The following HORMAD2 variants were observed in gnomAD, a reference collection of about 807,000 sequenced individuals.
HORMAD2 encodes HORMA domain containing 2, also known as HORMA domain-containing protein 2.
HORMAD2 carries 45 observed loss-of-function variants against 38.8 expected under a neutral mutation model. That is an observed-to-expected ratio of 1.16 (90% CI 0.91 to 1.49). The LOEUF (loss-of-function observed/expected upper bound fraction) is 1.49, where lower values mean the gene tolerates loss of function less well. HORMAD2 is among the 40% of genes most tolerant of loss of function. HORMAD2 has a pLI of 0.00. For missense variants in HORMAD2, 338 were observed against 367.0 expected (o/e 0.92, Z 0.65); for synonymous variants, 126 against 122.8 (o/e 1.03, Z -0.17).
Position 30,176,234 on chromosome 22 carries a change from C to A in HORMAD2, c.*67C>A. 9.0e-7 allele frequency: 1 copy of A among 1,105,666 alleles called. No individual in the cohort carries two copies. The highest frequency in any genetic ancestry group is 1.3e-6 in the Non-Finnish European group (1 of 756,164). The allele number at this position is 1,105,666 out of a possible 1,614,324, so 68.5% of individuals were successfully genotyped here. A position where few individuals can be genotyped will look rare whatever the true frequency, so the allele number is the denominator to read the frequency against. ...TTTTGTAAAAACATGCATAAACTGT[C>A]TTAGCAGGAAAGTACATTCCTGTTA... On this transcript the variant is annotated 3_prime_UTR_variant, in exon 11 of 11. Coordinates refer to ENST00000336726, the MANE Select transcript of HORMAD2 (RefSeq NM_152510.4).
At chr22:30,152,552 A>G (rs1039896254) in intron 10 of HORMAD2, among the ~76,000 whole-genome samples, 13 of 152,040 alleles carry the variant, frequency 8.6e-5, no homozygotes, top group African/African-American at 3.1e-4. Flanking sequence ...GCTGGTCTTG[A>G]ACTCCTGGGC....
intron 10 of HORMAD2, among the ~76,000 whole-genome samples, chr22:30,154,528 T>C (rs751497150): frequency 1.1e-4 from 16 of 152,218 alleles, no homozygotes; most frequent in Admixed American, 2.0e-4. Context: ...CTCAGATTCC[T>C]TTCAAGTTTT....
chr22:30,084,429 G>A (rs1246493879), intron 1 of HORMAD2, among the ~76,000 whole-genome samples: 1 of 151,968 alleles, frequency 6.6e-6, no homozygotes, highest in Non-Finnish European at 1.5e-5. Context: ...CCTCTTAAAG[G>A]CCCCAACTCT....
At chr22:30,115,832 G>T (rs1922001538) in intron 7 of HORMAD2, among the ~76,000 whole-genome samples, 1 of 152,142 alleles carries the variant, frequency 6.6e-6, no homozygotes, top group Non-Finnish European at 1.5e-5. Flanking sequence ...GTGTTAGATT[G>T]GGCAGTTCCT....
chr22:30,179,495 C>A (rs924869684), downstream of HORMAD2, among the ~76,000 whole-genome samples: 1 of 152,080 alleles, frequency 6.6e-6, no homozygotes, highest in Non-Finnish European at 1.5e-5. Flanking sequence ...AAGAAAAAAG[C>A]TTTTATTAAT....
At position 30,176,433 on chromosome 22, in the gene HORMAD2, T is replaced by C. The variant is rs968430509; in HGVS notation, c.*266T>C. Reference sequence around the variant, plus strand: ...TAGAGATGAGGCACCTTTTATATTATATTTGTAAAAGAACCACAGCAGCTA... The same window carrying C: ...TAGAGATGAGGCACCTTTTATATTACATTTGTAAAAGAACCACAGCAGCTA... On this transcript the variant is annotated 3_prime_UTR_variant, in exon 11 of 11. Transcript: ENST00000336726. 8 of 336,554 alleles carry C rather than the reference T, an allele frequency of 2.4e-5. No homozygotes were observed. Among genetic ancestry groups the C allele is most frequent in the African/African-American group, 1.3e-4 (6 of 46,780 alleles). 20.8% of individuals were successfully genotyped at this position (336,554 alleles called of 1,614,324 possible).
At position 30,135,890 on chromosome 22, in the gene HORMAD2, G is replaced by A. The variant is rs559506289; in HGVS notation, c.819+13676G>A. Among the ~76,000 whole-genome samples, 4 of 152,240 alleles carry A rather than the reference G, an allele frequency of 2.6e-5. No homozygotes were observed. In the East Asian group the frequency reaches 7.7e-4, roughly 29 times the overall value. On this transcript the variant is annotated intron_variant, in intron 10 of 10. Transcript: ENST00000336726. ...CATTCAACAATGTAACATTCTTATT[G>A]TTCAGAATCTAATAAAAGTTTCTTG...
downstream of HORMAD2, among the ~76,000 whole-genome samples, chr22:30,180,762 C>CCCCTT (rs949290197): frequency 2.0e-5 from 3 of 151,408 alleles, no homozygotes; most frequent in East Asian, 2.0e-4. Context: ...CTTCTTTCTT[C>CCCCTT]CCCTTCCCTT....
At chr22:30,080,007 T>G (rs1035602834), upstream of HORMAD2, 1 of 152,214 alleles carries the variant, frequency 6.6e-6, no homozygotes. Context: ...CTCGGGTCCC[T>G]GGGCCCCCCA....
chr22:30,107,602 T>C (rs1178763491), intron 5 of HORMAD2, among the ~76,000 whole-genome samples: 1 of 151,728 alleles, frequency 6.6e-6, no homozygotes, highest in Non-Finnish European at 1.5e-5. Context: ...TACAAAAAAT[T>C]AGCTGAGTAT....
At chr22:30,109,988 G>A (rs921010837) in intron 5 of HORMAD2, among the ~76,000 whole-genome samples, 2 of 152,132 alleles carry the variant, frequency 1.3e-5, no homozygotes, top group Non-Finnish European at 2.9e-5. Flanking sequence ...TGAATAGTTA[G>A]TACAGTTGGC....
chr22:30,145,934 A>T (rs934953583), intron 10 of HORMAD2, among the ~76,000 whole-genome samples: 5 of 152,228 alleles, frequency 3.3e-5, no homozygotes, highest in Non-Finnish European at 7.3e-5. Context: ...AGAAAACAAA[A>T]CTATGGACCA....
chr22:30,084,150 A>T (rs2068530569), intron 1 of HORMAD2, among the ~76,000 whole-genome samples: 1 of 152,170 alleles, frequency 6.6e-6, no homozygotes, highest in Non-Finnish European at 1.5e-5. Flanking sequence ...TACTGCTGTA[A>T]CAATACCTGA....
At chr22:30,144,087 C>T (rs1405157991) in intron 10 of HORMAD2, among the ~76,000 whole-genome samples, 1 of 152,202 alleles carries the variant, frequency 6.6e-6, no homozygotes, top group African/African-American at 2.4e-5. Flanking sequence ...TGTACCAACA[C>T]AAGAACAGCC....
At chr22:30,201,524 T>C in the HORMAD2 span, among the ~76,000 whole-genome samples, 1 of 151,218 alleles carries the variant, frequency 6.6e-6, no homozygotes, top group South Asian at 2.1e-4. Context: ...TTCACGCCAT[T>C]CTCCTGCCTC....
chr22:30,174,933 G>C (rs1926339948), intron 10 of HORMAD2, among the ~76,000 whole-genome samples: 1 of 151,858 alleles, frequency 6.6e-6, no homozygotes, highest in Non-Finnish European at 1.5e-5. Context: ...TCAGAGTTTT[G>C]TATAGCTACT....
chr22:30,087,460 G>C (rs1015251758), intron 1 of HORMAD2, among the ~76,000 whole-genome samples: 5 of 152,130 alleles, frequency 3.3e-5, no homozygotes. Context: ...GAGTGTATTT[G>C]TTCATCCAGG....
the HORMAD2 span, among the ~76,000 whole-genome samples, chr22:30,191,001 T>C: frequency 1.3e-5 from 2 of 152,170 alleles, no homozygotes; most frequent in South Asian, 4.1e-4. Flanking sequence ...TGAATTGCTA[T>C]GAGCAAGAAA....
the HORMAD2 span, among the ~76,000 whole-genome samples, chr22:30,201,875 C>T: frequency 2.6e-5 from 4 of 152,092 alleles, no homozygotes; most frequent in East Asian, 1.9e-4. Context: ...GGTGGCCACA[C>T]GGTGAAGGAT....
Sources: gnomAD v4.1 joint callset for allele counts (sites outside exome capture counted in the v4.1 genomes callset) on GRCh38, gnomAD v4.1.1 for gene constraint, MANE v1.5 for transcripts, NCBI Gene and HGNC (gene_info 2026-07-23, HGNC 2026-07-21) for gene names.